FBXL17: variants seen among roughly 807,000 people sequenced by gnomAD.
FBXL17 encodes F-box/LRR-repeat protein 17.
In FBXL17, 22 loss-of-function variants were observed where a neutral mutation model predicts 66.2. The observed-to-expected ratio is 0.33, with a 90% CI of 0.24 to 0.47. The LOEUF (loss-of-function observed/expected upper bound fraction) is 0.47. Among genes scored for constraint, FBXL17 ranks in the 20% least tolerant of loss-of-function variants. The pLI is 1.00. For synonymous variants in FBXL17, 474 were observed against 400.5 expected, an observed-to-expected ratio of 1.18 and a Z score of -2.19; for missense variants, 878 against 948.2, an observed-to-expected ratio of 0.93 and a Z score of 0.97.
chr5:108,184,598 T>C (rs1180659004), intron 6 of FBXL17, among the ~76,000 whole-genome samples: 5 of 151,686 alleles, frequency 3.3e-5, no homozygotes, highest in South Asian at 4.2e-4. Flanking sequence ...TGAGCCACCG[T>C]GCCCAGCCAG....
chr5:107,872,996 A>G (rs537905407), intron 8 of FBXL17, among the ~76,000 whole-genome samples: 1 of 152,360 alleles, frequency 6.6e-6, no homozygotes, highest in Admixed American at 6.5e-5. Context: ...AAAAATGGCC[A>G]CAACATTTGG....
intron 4 of FBXL17, chr5:108,298,116 T>C: frequency 1.0e-6 from 1 of 961,018 alleles, no homozygotes; most frequent in Non-Finnish European, 1.2e-6. Context: ...TTTAATTTAC[T>C]ATTATATAAC....
At chr5:108,153,875 C>T (rs1178419055) in intron 6 of FBXL17, among the ~76,000 whole-genome samples, 3 of 152,092 alleles carry the variant, frequency 2.0e-5, no homozygotes, top group Non-Finnish European at 2.9e-5. Flanking sequence ...GCTCAAACAC[C>T]GTTTATACCT....
intron 7 of FBXL17, among the ~76,000 whole-genome samples, chr5:107,987,589 T>C (rs1753065702): frequency 6.6e-6 from 1 of 152,026 alleles, no homozygotes; most frequent in Non-Finnish European, 1.5e-5. Context: ...TGGCCTGGCA[T>C]GAGCCCTGCT....
chr5:108,324,398 T>C (rs1403553975), intron 4 of FBXL17, among the ~76,000 whole-genome samples: 2 of 151,952 alleles, frequency 1.3e-5, no homozygotes, highest in East Asian at 3.9e-4. Context: ...CATTAAGATG[T>C]CTACTATAAA....
chr5:108,204,734 A>G (rs139662997), intron 5 of FBXL17, among the ~76,000 whole-genome samples: 60 of 152,294 alleles, frequency 3.9e-4, no homozygotes, highest in Non-Finnish European at 7.5e-4. Flanking sequence ...CGTATTCTTG[A>G]AAAGTATAAT....
intron 1 of FBXL17, among the ~76,000 whole-genome samples, chr5:108,379,880 A>C (rs1749718187): frequency 6.6e-6 from 1 of 152,250 alleles, no homozygotes; most frequent in South Asian, 2.1e-4. Context: ...AACAAAAAAT[A>C]CATCTGTGCT....
At chr5:107,978,265 G>A (rs987503868) in intron 7 of FBXL17, among the ~76,000 whole-genome samples, 1 of 152,094 alleles carries the variant, frequency 6.6e-6, no homozygotes. Context: ...GCTAATAATG[G>A]GAGGAAATTT....
rs577379839 is a variant in FBXL17, at chr5:108,331,952, T to C, written c.1506+16447A>G. Among the ~76,000 whole-genome samples the C allele has an allele frequency of 3.2e-4, 48 of 152,282 alleles. 1 individual carries two copies. The South Asian group carries it at 9.5e-3, about 30-fold the overall frequency. On this transcript the variant is annotated intron_variant, in intron 4 of 8. Transcript: ENST00000542267. The stretch of plus-strand genomic sequence containing the variant: ...TCTGAAATAATTTGATGTGAAAATA[T>C]AGTAGAGAATATCTTAAAAGTTAGA...
At chr5:107,940,604 A>G (rs1368894062) in intron 7 of FBXL17, among the ~76,000 whole-genome samples, 1 of 152,136 alleles carries the variant, frequency 6.6e-6, no homozygotes, top group Non-Finnish European at 1.5e-5. Context: ...CCTATTAGAG[A>G]AAATGAAGTA....
At chr5:108,255,508 T>G (rs1463414660) in intron 4 of FBXL17, among the ~76,000 whole-genome samples, 3 of 152,294 alleles carry the variant, frequency 2.0e-5, no homozygotes, top group Non-Finnish European at 4.4e-5. Context: ...AATAACTGAT[T>G]TTTAATTCAT....
At chr5:107,901,630 T>TGCACTTGA (rs1749570446) in intron 7 of FBXL17, among the ~76,000 whole-genome samples, 1 of 152,038 alleles carries the variant, frequency 6.6e-6, no homozygotes, top group Admixed American at 6.6e-5. Context: ...TTCTCCTCCG[T>TGCACTTGA]AAAGACATGC....
intron 6 of FBXL17, among the ~76,000 whole-genome samples, chr5:108,172,002 A>G (rs1468012568): frequency 6.6e-6 from 1 of 152,110 alleles, no homozygotes; most frequent in South Asian, 2.1e-4. Context: ...GCCTTCCGCC[A>G]TGATTTTGAG....
chr5:108,103,638 C>T (rs968537890), intron 6 of FBXL17, among the ~76,000 whole-genome samples: 1 of 152,138 alleles, frequency 6.6e-6, no homozygotes, highest in Non-Finnish European at 1.5e-5. Flanking sequence ...TCTCATACTC[C>T]TGTAGTAAAA....
intron 4 of FBXL17, among the ~76,000 whole-genome samples, chr5:108,284,563 G>C (rs185133079): frequency 1.6e-4 from 25 of 151,830 alleles, no homozygotes; most frequent in Non-Finnish European, 3.2e-4. Flanking sequence ...GAGTGAGTGG[G>C]AGGGGGGAAG....
intron 7 of FBXL17, among the ~76,000 whole-genome samples, chr5:108,005,616 G>C (rs1264250035): frequency 1.3e-5 from 2 of 152,068 alleles, no homozygotes; most frequent in African/African-American, 4.8e-5. Context: ...TTCTAAAATG[G>C]TATTTTAACC....
At chr5:108,069,954 C>T (rs1298590701) in intron 6 of FBXL17, among the ~76,000 whole-genome samples, 1 of 152,164 alleles carries the variant, frequency 6.6e-6, no homozygotes, top group Non-Finnish European at 1.5e-5. Flanking sequence ...AACAGTCTTA[C>T]AAAGAGAATT....
chr5:108,042,153 CA>C (rs1561381823), intron 6 of FBXL17, among the ~76,000 whole-genome samples: 2 of 152,206 alleles, frequency 1.3e-5, no homozygotes, highest in African/African-American at 4.8e-5. Context: ...CGTGGCCTCC[CA>C]AAGTGCTGGG....
intron 7 of FBXL17, among the ~76,000 whole-genome samples, chr5:107,932,673 C>T (rs1750772514): frequency 1.3e-5 from 2 of 151,970 alleles, no homozygotes; most frequent in South Asian, 4.2e-4. Context: ...CAAAGACATT[C>T]TTAAAAAATT....
Sources: gnomAD v4.1 joint callset for allele counts (sites outside exome capture counted in the v4.1 genomes callset) on GRCh38, gnomAD v4.1.1 for gene constraint, MANE v1.5 for transcripts, NCBI Gene and HGNC (gene_info 2026-07-23, HGNC 2026-07-21) for gene names.